The following MECOM variants were observed in gnomAD, a reference collection of about 807,000 sequenced individuals.
MECOM encodes MDS1 and EVI1 complex locus.
A neutral mutation model predicts 116.3 loss-of-function variants in MECOM; 13 were observed. The ratio of observed to expected loss-of-function variants is 0.11; its 90% CI spans 0.07 to 0.18. The LOEUF (loss-of-function observed/expected upper bound fraction) is 0.18. Ranked by LOEUF, MECOM falls within the 10% of genes least tolerant of loss-of-function variation. The pLI is 1.00. For missense variants in MECOM, 1,299 were observed against 1,509.0 expected, an observed-to-expected ratio of 0.86 and a Z score of 2.31; for synonymous variants, 528 against 535.2, an observed-to-expected ratio of 0.99 and a Z score of 0.19.
intron 4 of MECOM, among the ~76,000 whole-genome samples, chr3:169,128,887 T>C (rs1215025108): frequency 1.3e-5 from 2 of 152,178 alleles, no homozygotes; most frequent in African/African-American, 4.8e-5. Flanking sequence ...TTTGAATAGC[T>C]TTCAGCCCAC....
chr3:169,105,141 A>T (rs910938206), intron 10 of MECOM, among the ~76,000 whole-genome samples: 7 of 152,142 alleles, frequency 4.6e-5, no homozygotes, highest in Admixed American at 3.9e-4. Context: ...CTGAAGCAAC[A>T]TAAAAGCCTT....
chr3:169,111,437 T>C (rs1727363855), intron 9 of MECOM, among the ~76,000 whole-genome samples: 1 of 152,154 alleles, frequency 6.6e-6, no homozygotes, highest in African/African-American at 2.4e-5. Flanking sequence ...GTACTTTTTG[T>C]ACAATATCTG....
chr3:169,322,998 A>G (rs34649132), intron 2 of MECOM, among the ~76,000 whole-genome samples: 1 of 33,442 alleles, frequency 3.0e-5, no homozygotes, highest in Non-Finnish European at 5.1e-5. Flanking sequence ...AGACTCCGGT[A>G]AAAAAAAAAA....
chr3:169,362,745 G>A (rs1281040035), intron 2 of MECOM, among the ~76,000 whole-genome samples: 1 of 151,922 alleles, frequency 6.6e-6, no homozygotes, highest in Non-Finnish European at 1.5e-5. Flanking sequence ...TGTATATCAC[G>A]AATACACTTC....
Position 169,550,978 on chromosome 3 carries a change from T to C in MECOM, c.37+112358A>G, listed in dbSNP as rs1405333062. The stretch of plus-strand genomic sequence containing the variant: ...AGCTGGGACTACAGGCGCCCGCCAC[T>C]ACGCCCGGCTAATTTTTTGTATTTT... On this transcript the variant is annotated intron_variant, in intron 1 of 16. Coordinates refer to ENST00000651503, the MANE Select transcript of MECOM (RefSeq NM_004991.4). Among the ~76,000 whole-genome samples the C allele has an allele frequency of 1.5e-5, 2 of 132,800 alleles. 1 individual carries two copies. Among genetic ancestry groups the C allele is most frequent in the East Asian group, 8.9e-4 (2 of 2,248 alleles). 87.1% of individuals were successfully genotyped at this position (132,800 alleles called of 152,430 possible). A position where few individuals can be genotyped will look rare whatever the true frequency, so the allele number is the denominator to read the frequency against.
At chr3:169,661,445 C>T (rs964952300) in intron 1 of MECOM, among the ~76,000 whole-genome samples, 8 of 152,082 alleles carry the variant, frequency 5.3e-5, no homozygotes, top group Admixed American at 5.2e-4. Context: ...ACAGGGAAAA[C>T]AGTTCCACCG....
At chr3:169,575,350 C>T (rs1318189741) in intron 1 of MECOM, among the ~76,000 whole-genome samples, 1 of 152,106 alleles carries the variant, frequency 6.6e-6, no homozygotes, top group Non-Finnish European at 1.5e-5. Flanking sequence ...GAAGGTGTGC[C>T]CTGCGGGGGT....
chr3:169,604,994 G>A (rs1197100026), intron 1 of MECOM, among the ~76,000 whole-genome samples: 1 of 152,074 alleles, frequency 6.6e-6, no homozygotes, highest in Non-Finnish European at 1.5e-5. Context: ...TATCTAAAGG[G>A]CAAGAGTAGA....
chr3:169,552,315 T>C (rs1761508368), intron 1 of MECOM, among the ~76,000 whole-genome samples: 1 of 151,978 alleles, frequency 6.6e-6, no homozygotes, highest in African/African-American at 2.4e-5. Context: ...TCTTTGTCAA[T>C]AGATATTTTG....
intron 2 of MECOM, among the ~76,000 whole-genome samples, chr3:169,202,806 A>G (rs1383596849): frequency 1.5e-5 from 2 of 136,570 alleles, no homozygotes; most frequent in African/African-American, 2.9e-5. Context: ...CTGGTAAAAT[A>G]CCTTGCCATT....
At chr3:169,158,065 C>T (rs1577207991) in intron 2 of MECOM, among the ~76,000 whole-genome samples, 1 of 148,724 alleles carries the variant, frequency 6.7e-6, no homozygotes, top group East Asian at 1.9e-4. Flanking sequence ...TATATTCCTC[C>T]ACCCCACATC....
chr3:169,620,647 T>C lies in MECOM; in HGVS notation c.37+42689A>G, dbSNP rs148427750. 6.5e-4 allele frequency among the ~76,000 whole-genome samples: 99 copies of C among 152,338 alleles called. No individual in the cohort carries two copies. In the Middle Eastern group the frequency reaches 0.024, roughly 37 times the overall value. ...GCTCAGGAAGTAACCACAGCCAAAA[T>C]ACCCTAGTGAGGGCAGAATATGAGA... On this transcript the variant is annotated intron_variant, in intron 1 of 16. Transcript: ENST00000651503.
intron 2 of MECOM, among the ~76,000 whole-genome samples, chr3:169,276,277 C>T (rs1015137952): frequency 3.3e-5 from 5 of 152,056 alleles, no homozygotes; most frequent in African/African-American, 1.2e-4. Context: ...TATGGCCGGG[C>T]GCAGTGGCTC....
intron 16 of MECOM, among the ~76,000 whole-genome samples, chr3:169,087,942 T>G (rs1718368814): frequency 6.6e-6 from 1 of 152,194 alleles, no homozygotes; most frequent in Admixed American, 6.5e-5. Flanking sequence ...AGAACATTTA[T>G]TTTACCTATT....
At chr3:169,149,934 T>A (rs895653394) in intron 2 of MECOM, among the ~76,000 whole-genome samples, 1,502 of 90,352 alleles carry the variant, frequency 0.017, 19 homozygotes, top group African/African-American at 0.052. Flanking sequence ...TTTCTCTCTC[T>A]CTGTGTGTGT....
intron 2 of MECOM, among the ~76,000 whole-genome samples, chr3:169,177,251 T>C: frequency 6.6e-6 from 1 of 152,168 alleles, no homozygotes; most frequent in Middle Eastern, 3.4e-3. Context: ...ATAAAGAAAA[T>C]GTGGTACATA....
chr3:169,632,635 A>T (rs187991123), intron 1 of MECOM, among the ~76,000 whole-genome samples: 94 of 152,320 alleles, frequency 6.2e-4, no homozygotes, highest in African/African-American at 2.1e-3. Flanking sequence ...CTTTTGAGTC[A>T]AACAGTAGAT....
chr3:169,292,526 G>T (rs1053715631), intron 2 of MECOM, among the ~76,000 whole-genome samples: 2 of 152,106 alleles, frequency 1.3e-5, no homozygotes, highest in Non-Finnish European at 2.9e-5. Flanking sequence ...TGTGAGCTCT[G>T]TGCAGGCTAA....
chr3:169,476,167 C>A (rs1183461524), intron 1 of MECOM, among the ~76,000 whole-genome samples: 2 of 152,168 alleles, frequency 1.3e-5, no homozygotes, highest in Non-Finnish European at 2.9e-5. Context: ...CACCACAAGA[C>A]CTCCTGGGCA....
Sources: gnomAD v4.1 joint callset for allele counts (sites outside exome capture counted in the v4.1 genomes callset) on GRCh38, gnomAD v4.1.1 for gene constraint, MANE v1.5 for transcripts, NCBI Gene and HGNC (gene_info 2026-07-23, HGNC 2026-07-21) for gene names.